Variants in UHMK1 observed in about 807,000 individuals in gnomAD.
UHMK1 encodes serine/threonine-protein kinase Kist.
Under a neutral mutation model 44.0 loss-of-function variants are expected in UHMK1, and 18 were observed. The ratio of observed to expected loss-of-function variants is 0.41; its 90% CI spans 0.28 to 0.61. The LOEUF is 0.61. Among genes scored for constraint, UHMK1 ranks in the 20% least tolerant of loss-of-function variants. UHMK1 has a pLI of 0.31. For missense variants in UHMK1, 463 were observed against 522.5 expected (o/e 0.89, Z 1.11); for synonymous variants, 231 against 198.5 (o/e 1.16, Z -1.38).
intron 7 of UHMK1, among the ~76,000 whole-genome samples, chr1:162,521,810 G>C (rs1652069259): frequency 6.6e-6 from 1 of 152,152 alleles, no homozygotes; most frequent in East Asian, 1.9e-4. Context: ...TGTATTTTTA[G>C]TAGAGACACG....
chr1:162,508,230 C>A (rs1449394544), intron 4 of UHMK1, among the ~76,000 whole-genome samples: 1 of 151,940 alleles, frequency 6.6e-6, no homozygotes, highest in Admixed American at 6.6e-5. Context: ...TCCCTCCTCA[C>A]CCTCCTGAGT....
At chr1:162,506,788 TG>T (rs1651485717) in intron 4 of UHMK1, among the ~76,000 whole-genome samples, 1 of 151,982 alleles carries the variant, frequency 6.6e-6, no homozygotes, top group South Asian at 2.1e-4. Context: ...TGCTTGAACC[TG>T]GGAGGTGGAG....
rs578105830 is a variant in UHMK1 at position 162,503,780 on chromosome 1, C to G, written c.780C>G (p.His260Gln). 9 of 1,614,096 alleles carry G rather than the reference C, an allele frequency of 5.6e-6. No individual in the cohort carries two copies. The highest frequency in any genetic ancestry group is 7.6e-6 in the Non-Finnish European group (9 of 1,179,994). The change falls in exon 4 of 8, where the codon CAC becomes CAG. Residue 260 changes from histidine to glutamine, a missense_variant. This residue lies in a region of UHMK1 where 264 missense variants were observed against 326.3 expected (regional missense o/e 0.81). Transcript: ENST00000489294. ...CAAACAGTTCTGCTATTATTGATCA[C>G]ATATTTGCCAGTAAAGCAGTGGTGA... is the stretch of plus-strand genomic sequence containing the variant. ...WKANSSAIID[H>Q]IFASKAVVNA...
upstream of UHMK1, chr1:162,497,273 T>C (rs892760930): frequency 7.1e-6 from 5 of 702,616 alleles, no homozygotes; most frequent in Admixed American, 4.0e-5. Context: ...AGACCGAAGG[T>C]CTGTGTTGAC....
chr1:162,514,859 G>A (rs1651781133), intron 6 of UHMK1, among the ~76,000 whole-genome samples: 1 of 152,154 alleles, frequency 6.6e-6, no homozygotes, highest in Non-Finnish European at 1.5e-5. Context: ...AAAGAATTTT[G>A]GTGTGGCTGT....
chr1:162,517,800 G>A lies in UHMK1; in HGVS notation c.1025-302G>A, dbSNP rs573677048. Among the ~76,000 whole-genome samples the A allele has an allele frequency of 7.2e-5, 11 of 151,944 alleles. No homozygotes were observed. In the South Asian group the frequency reaches 1.9e-3, roughly 26 times the overall value. ...CTCGGGAGGCTGAGGGAGAAGAATCGCTTGAACCCGAGAGGCGGAGGTTGC... is the reference window on the plus strand; with the variant it reads ...CTCGGGAGGCTGAGGGAGAAGAATCACTTGAACCCGAGAGGCGGAGGTTGC... On this transcript the variant is annotated intron_variant, in intron 6 of 7. Coordinates refer to ENST00000489294, the MANE Select transcript of UHMK1 (RefSeq NM_175866.5).
At chr1:162,503,930 ATAT>A (rs1460981073) in intron 4 of UHMK1, 82 bp downstream of exon 4, 2 of 1,023,364 alleles carry the variant, frequency 2.0e-6, no homozygotes, top group South Asian at 1.6e-5. Flanking sequence ...GAACAGATTT[ATAT>A]TATTATTTCT....
In UHMK1 at chr1:162,522,641, A is replaced by G. The variant is rs932163857; in HGVS notation, c.*91A>G. On this transcript the variant is annotated 3_prime_UTR_variant, in exon 8 of 8. Coordinates refer to ENST00000489294, the MANE Select transcript of UHMK1 (RefSeq NM_175866.5). The stretch of plus-strand genomic sequence containing the variant: ...GCAGGACTACCCCCTTACCATTTTA[A>G]GAAGGTACTTTATACATTTATTTAA... 7.3e-7 allele frequency: 1 copy of G among 1,365,230 alleles called. No individual in the cohort carries two copies. 84.6% of individuals were successfully genotyped at this position (1,365,230 alleles called of 1,614,324 possible).
At chr1:162,509,276 T>C (rs147553391) in intron 4 of UHMK1, among the ~76,000 whole-genome samples, 2 of 152,276 alleles carry the variant, frequency 1.3e-5, no homozygotes, top group Non-Finnish European at 2.9e-5. Context: ...TGCCTCTCTC[T>C]CTCCCCTCAT....
intron 6 of UHMK1, 119 bp downstream of exon 6, chr1:162,512,942 T>A: frequency 1.0e-6 from 1 of 979,958 alleles, no homozygotes; most frequent in South Asian, 1.6e-5. Flanking sequence ...CAATATGATC[T>A]CTAATATACT....
chr1:162,499,491 G>A (rs1388807190), intron 1 of UHMK1, among the ~76,000 whole-genome samples: 1 of 152,136 alleles, frequency 6.6e-6, no homozygotes, highest in East Asian at 1.9e-4. Flanking sequence ...GGATGAAGAA[G>A]CAATGTTTAG....
Position 162,497,896 on chromosome 1 carries a change from C to T in UHMK1, c.-105C>T. On this transcript the variant is annotated 5_prime_UTR_variant, in exon 1 of 8. Transcript: ENST00000489294. ...GTCGGTGAGGCGGCTGCAGGTCCCTCCCTGCGGAGCCGCTGGTCCGGCTGG... is the reference window on the plus strand; with the variant it reads ...GTCGGTGAGGCGGCTGCAGGTCCCTTCCTGCGGAGCCGCTGGTCCGGCTGG... 3 of 1,421,544 alleles carry T rather than the reference C, an allele frequency of 2.1e-6. No individual in the cohort carries two copies. Among genetic ancestry groups the T allele is most frequent in the Non-Finnish European group, 2.7e-6 (3 of 1,093,258 alleles). 88.1% of individuals were successfully genotyped at this position (1,421,544 alleles called of 1,614,324 possible). A position where few individuals can be genotyped will look rare whatever the true frequency, so the allele number is the denominator to read the frequency against.
intron 6 of UHMK1, among the ~76,000 whole-genome samples, chr1:162,516,543 C>T (rs1651840689): frequency 6.6e-6 from 1 of 151,964 alleles, no homozygotes; most frequent in Admixed American, 6.6e-5. Context: ...TTTAATATTC[C>T]TGAAGTTGGA....
intron 1 of UHMK1, among the ~76,000 whole-genome samples, chr1:162,498,765 A>G (rs1295142229): frequency 1.3e-5 from 2 of 152,322 alleles, no homozygotes; most frequent in Middle Eastern, 3.4e-3. Context: ...AAATTTAGGA[A>G]CACTATACCT....
At chr1:162,520,082 G>A (rs886324415) in intron 7 of UHMK1, among the ~76,000 whole-genome samples, 1 of 152,054 alleles carries the variant, frequency 6.6e-6, no homozygotes, top group African/African-American at 2.4e-5. Flanking sequence ...TTGTAGAAAC[G>A]AGGTTTTGCT....
chr1:162,504,722 A>G (rs1344240553), intron 4 of UHMK1, among the ~76,000 whole-genome samples: 4 of 152,184 alleles, frequency 2.6e-5, no homozygotes, highest in East Asian at 1.9e-4. Context: ...ACTGTACACT[A>G]TAAGACTAAG....
chr1:162,505,461 A>G (rs1321692538), intron 4 of UHMK1, among the ~76,000 whole-genome samples: 1 of 152,264 alleles, frequency 6.6e-6, no homozygotes, highest in Non-Finnish European at 1.5e-5. Context: ...ACAGCTATGT[A>G]TTGTCATTAT....
intron 3 of UHMK1, 46 bp downstream of exon 3, chr1:162,501,150 A>G: frequency 6.4e-7 from 1 of 1,553,688 alleles, no homozygotes; most frequent in Non-Finnish European, 8.7e-7. Flanking sequence ...CTTTCAACTT[A>G]AGAGTATTCA....
intron 1 of UHMK1, 63 bp from the exon 2 acceptor site, chr1:162,499,892 A>G: frequency 6.7e-7 from 1 of 1,502,790 alleles, no homozygotes; most frequent in South Asian, 1.2e-5. Flanking sequence ...TACTGCAGTT[A>G]CCTACTTTAG....
Sources: allele counts gnomAD v4.1 joint callset (sites outside exome capture counted in the v4.1 genomes callset), GRCh38; gene constraint gnomAD v4.1.1; regional missense constraint gnomAD v4.1.1; transcripts MANE v1.5; gene names NCBI Gene and HGNC (gene_info 2026-07-23, HGNC 2026-07-21).